Variants in COL21A1 observed in about 807,000 individuals in gnomAD.
The protein encoded by COL21A1 is collagen type XXI alpha 1 chain.
A neutral mutation model predicts 137.9 loss-of-function variants in COL21A1; 149 were observed. The observed-to-expected ratio is 1.08, with a 90% CI of 0.95 to 1.24. The LOEUF (loss-of-function observed/expected upper bound fraction) is 1.24, where lower values mean the gene tolerates loss of function less well. Ranked by LOEUF, COL21A1 falls within the 50% of genes most tolerant of loss-of-function variation. COL21A1 has a pLI of 0.00. For synonymous variants in COL21A1, 456 were observed against 391.5 expected (o/e 1.16, Z -1.95); for missense variants, 1,167 against 1,158.4 (o/e 1.01, Z -0.11).
chr6:56,132,107 C>A (rs1773603786), intron 12 of COL21A1, among the ~76,000 whole-genome samples: 1 of 149,570 alleles, frequency 6.7e-6, no homozygotes. Flanking sequence ...ATAATATAAC[C>A]AATATAAAAT....
intron 10 of COL21A1, among the ~76,000 whole-genome samples, chr6:56,151,008 G>A (rs1775276287): frequency 6.6e-6 from 1 of 152,160 alleles, no homozygotes; most frequent in East Asian, 1.9e-4. Flanking sequence ...TGGATCACGA[G>A]GTCAGGAGAT....
intron 1 of COL21A1, among the ~76,000 whole-genome samples, chr6:56,195,050 GT>G (rs1249483714): frequency 6.6e-6 from 1 of 152,152 alleles, no homozygotes; most frequent in Non-Finnish European, 1.5e-5. Context: ...AGCATGCTCA[GT>G]CCCCTCACCA....
chr6:56,380,912 A>T (rs989957554), intron 1 of COL21A1, among the ~76,000 whole-genome samples: 2 of 152,216 alleles, frequency 1.3e-5, no homozygotes, highest in Non-Finnish European at 2.9e-5. Flanking sequence ...AATACATAAC[A>T]ATAATATGTA....
At chr6:56,104,837 G>A (rs185635157) in intron 16 of COL21A1, among the ~76,000 whole-genome samples, 127 of 152,148 alleles carry the variant, frequency 8.3e-4, no homozygotes, top group African/African-American at 2.6e-3. Flanking sequence ...CTTTCATGCT[G>A]TGGTCTTTGG....
At chr6:56,203,826 G>T (rs1298513172) in intron 1 of COL21A1, among the ~76,000 whole-genome samples, 1 of 152,174 alleles carries the variant, frequency 6.6e-6, no homozygotes, top group East Asian at 1.9e-4. Flanking sequence ...GCGAGCTGAA[G>T]CAGGGTGGGG....
chr6:56,206,310 CAAAAA>C (rs1436695741), intron 1 of COL21A1, among the ~76,000 whole-genome samples: 1 of 65,296 alleles, frequency 1.5e-5, no homozygotes, highest in Non-Finnish European at 3.3e-5. Flanking sequence ...AAATGGAAAG[CAAAAA>C]AAAAAAAAAA....
intron 1 of COL21A1, among the ~76,000 whole-genome samples, chr6:56,364,666 G>A (rs1766055691): frequency 6.6e-6 from 1 of 151,684 alleles, no homozygotes. Flanking sequence ...TGGCTTTAGG[G>A]CAACAATTTA....
At chr6:56,338,322 C>T (rs567417414) in intron 1 of COL21A1, among the ~76,000 whole-genome samples, 1 of 152,080 alleles carries the variant, frequency 6.6e-6, no homozygotes, top group South Asian at 2.1e-4. Flanking sequence ...TTCTCTAACC[C>T]AGCTAGTAGT....
At chr6:56,246,907 G>A (rs1048533112) in intron 1 of COL21A1, among the ~76,000 whole-genome samples, 4 of 152,170 alleles carry the variant, frequency 2.6e-5, no homozygotes, top group African/African-American at 9.7e-5. Context: ...TTGGTCTGGG[G>A]TGCTGCTCAA....
chr6:56,215,894 T>G (rs146151949), intron 1 of COL21A1, among the ~76,000 whole-genome samples: 1 of 152,092 alleles, frequency 6.6e-6, no homozygotes, highest in Non-Finnish European at 1.5e-5. Flanking sequence ...GTCATTTTCC[T>G]GTAAGGTATT....
chr6:56,064,504 G>T, intron 24 of COL21A1, 74 bp downstream of exon 24: 1 of 1,023,636 alleles, frequency 9.8e-7, no homozygotes, highest in Non-Finnish European at 1.5e-6. Flanking sequence ...TTATTTGCAA[G>T]TAATCCTCTC....
chr6:56,092,738 T>C (rs1355799157), intron 17 of COL21A1, among the ~76,000 whole-genome samples: 1 of 152,178 alleles, frequency 6.6e-6, no homozygotes, highest in Non-Finnish European at 1.5e-5. Flanking sequence ...ATAAAATGAT[T>C]AAGAATTAGA....
chr6:56,239,874 A>G (rs757296930), intron 1 of COL21A1, among the ~76,000 whole-genome samples: 2 of 152,130 alleles, frequency 1.3e-5, no homozygotes, highest in Admixed American at 6.5e-5. Context: ...AAAGCCTGGT[A>G]TGGTTTGCCT....
chr6:56,159,423 C>T (rs952161884), intron 9 of COL21A1, among the ~76,000 whole-genome samples: 5 of 151,758 alleles, frequency 3.3e-5, no homozygotes, highest in Non-Finnish European at 5.9e-5. Flanking sequence ...ACCTCCACCC[C>T]GCAGGTTCAA....
chr6:56,340,520 T>C lies in COL21A1; in HGVS notation c.-39+53451A>G, dbSNP rs1765440794. On this transcript the variant is annotated intron_variant, in intron 1 of 28. Transcript: ENST00000370819. ...TGCTTTCACCACTTCTCCTGGTTGA[T>C]GGGGAGAGGAGGACCAGCTAGGTCT... 2.0e-5 allele frequency among the ~76,000 whole-genome samples: 3 copies of C among 152,224 alleles called. No homozygotes were observed. The South Asian group carries it at 6.2e-4, about 32-fold the overall frequency.
At chr6:56,322,883 T>C (rs9357910) in intron 1 of COL21A1, among the ~76,000 whole-genome samples, 61,771 of 117,824 alleles carry the variant, frequency 0.52, 15,038 homozygotes, top group East Asian at 0.81. Flanking sequence ...TCCTCTGCTA[T>C]CAAAAAAAAA....
chr6:56,161,750 A>T (rs1360504972), intron 9 of COL21A1, among the ~76,000 whole-genome samples: 1 of 152,158 alleles, frequency 6.6e-6, no homozygotes, highest in African/African-American at 2.4e-5. Flanking sequence ...AAGAGTTACA[A>T]TGACAATGAT....
intron 1 of COL21A1, among the ~76,000 whole-genome samples, chr6:56,242,994 TA>T (rs1281979697): frequency 6.6e-6 from 1 of 151,860 alleles, no homozygotes; most frequent in East Asian, 1.9e-4. Flanking sequence ...ATTAAAGTAC[TA>T]AAAAAATATG....
upstream of COL21A1, chr6:56,247,819 T>G (rs775430006): frequency 6.5e-6 from 1 of 152,962 alleles, no homozygotes; most frequent in Non-Finnish European, 1.5e-5. Flanking sequence ...AATAAGGGAC[T>G]GCCAGGAAAG....
Sources: gnomAD v4.1 joint callset for allele counts (sites outside exome capture counted in the v4.1 genomes callset) on GRCh38, gnomAD v4.1.1 for gene constraint, MANE v1.5 for transcripts, NCBI Gene and HGNC (gene_info 2026-07-23, HGNC 2026-07-21) for gene names.